RPS6KA2: variants seen among roughly 807,000 people sequenced by gnomAD.
The protein encoded by RPS6KA2 is ribosomal protein S6 kinase A2, also known as ribosomal protein S6 kinase alpha-2.
A neutral mutation model predicts 91.8 loss-of-function variants in RPS6KA2; 42 were observed. The ratio of observed to expected loss-of-function variants is 0.46; its 90% CI spans 0.36 to 0.59. The LOEUF (loss-of-function observed/expected upper bound fraction) is 0.59, where lower values mean the gene tolerates loss of function less well. RPS6KA2 is among the 20% of genes least tolerant of loss of function. The pLI is 0.00. For synonymous variants in RPS6KA2, 414 were observed against 393.6 expected (o/e 1.05, Z -0.61); for missense variants, 798 against 978.5 (o/e 0.82, Z 2.46).
intron 2 of RPS6KA2, among the ~76,000 whole-genome samples, chr6:166,758,295 C>T (rs1287626321): frequency 1.3e-5 from 2 of 152,260 alleles, no homozygotes; most frequent in East Asian, 1.9e-4. Flanking sequence ...CCCAGAGACA[C>T]AGGCACGTGC....
At chr6:166,686,739 G>A (rs1164837266) in intron 2 of RPS6KA2, among the ~76,000 whole-genome samples, 2 of 152,152 alleles carry the variant, frequency 1.3e-5, no homozygotes, top group Non-Finnish European at 2.9e-5. Context: ...GCTTTTAACT[G>A]TGCTATGTTT....
At chr6:166,522,586 T>C (rs575206087) in intron 3 of RPS6KA2, among the ~76,000 whole-genome samples, 1 of 152,352 alleles carries the variant, frequency 6.6e-6, no homozygotes, top group African/African-American at 2.4e-5. Flanking sequence ...CGGGCTGTGC[T>C]AGCTCGGTCT....
chr6:166,800,329 G>A (rs776089741), intron 2 of RPS6KA2, among the ~76,000 whole-genome samples: 7 of 152,184 alleles, frequency 4.6e-5, no homozygotes, highest in East Asian at 1.9e-4. Context: ...CCCAGCTCCC[G>A]GACAGTTCTG....
intron 1 of RPS6KA2, among the ~76,000 whole-genome samples, chr6:166,578,602 A>C (rs145520689): frequency 3.9e-5 from 6 of 152,370 alleles, no homozygotes; most frequent in Non-Finnish European, 8.8e-5. Context: ...CTCTTTCTTT[A>C]ACAAATGATG....
intron 2 of RPS6KA2, among the ~76,000 whole-genome samples, chr6:166,799,573 A>C (rs968679239): frequency 4.9e-5 from 7 of 143,750 alleles, no homozygotes; most frequent in African/African-American, 1.8e-4. Flanking sequence ...TTGCATGCTC[A>C]GAAGGAAAGC....
chr6:166,751,929 G>T (rs1296268470), intron 2 of RPS6KA2, among the ~76,000 whole-genome samples: 1 of 151,990 alleles, frequency 6.6e-6, no homozygotes, highest in African/African-American at 2.4e-5. Flanking sequence ...ACAGAGGCCA[G>T]ACTCCATGGA....
rs529485444 is a variant in RPS6KA2 at position 166,548,655 on chromosome 6, C to T, written c.100-9871G>A. 2.0e-5 allele frequency among the ~76,000 whole-genome samples: 3 copies of T among 152,288 alleles called. No individual in the cohort carries two copies. In the East Asian group the frequency reaches 5.8e-4, roughly 29 times the overall value. ...AGGCAAAGAAAAAAAGACATTTAAC[C>T]TAAATTCCATCTCTTATACAATAAT... On this transcript the variant is annotated intron_variant, in intron 1 of 20. Transcript: ENST00000265678.
chr6:166,819,232 T>G (rs1779843610), intron 2 of RPS6KA2, among the ~76,000 whole-genome samples: 1 of 152,192 alleles, frequency 6.6e-6, no homozygotes, highest in Non-Finnish European at 1.5e-5. Context: ...TGTGTTGGTT[T>G]TTTGTTTGTT....
chr6:166,557,398 G>A lies in RPS6KA2; in HGVS notation c.100-18614C>T, dbSNP rs1784209183. On this transcript the variant is annotated intron_variant, in intron 1 of 20. Transcript: ENST00000265678. The surrounding 1 kb of genome is among the most constrained non-coding windows in gnomAD (Gnocchi z 4.8). The stretch of plus-strand genomic sequence containing the variant: ...ATGGTCAGGTGGCCGGGGTCACTCT[G>A]AAAATGAACTGTTCTCCCACTGAGC... Among the ~76,000 whole-genome samples the A allele has an allele frequency of 6.6e-6, 1 of 152,236 alleles. No homozygotes were observed. Among genetic ancestry groups the A allele is most frequent in the Non-Finnish European group, 1.5e-5 (1 of 68,032 alleles).
chr6:166,840,131 C>T (rs1292063470), intron 2 of RPS6KA2, among the ~76,000 whole-genome samples: 1 of 152,106 alleles, frequency 6.6e-6, no homozygotes, highest in East Asian at 1.9e-4. Context: ...GACTCCTTTG[C>T]TCCTAAAACA....
intron 2 of RPS6KA2, among the ~76,000 whole-genome samples, chr6:166,656,534 G>A (rs1054379518): frequency 6.6e-6 from 1 of 152,220 alleles, no homozygotes; most frequent in Admixed American, 6.5e-5. Context: ...CCTCCAGCAG[G>A]GCCTCGGCAG....
chr6:166,531,188 C>T (rs1783262031), intron 3 of RPS6KA2, 44 bp downstream of exon 3: 2 of 1,245,368 alleles, frequency 1.6e-6, no homozygotes, highest in Non-Finnish European at 2.4e-6. Flanking sequence ...GTAGAAATTG[C>T]AGTTACCTGT....
chr6:166,753,654 C>A (rs1159375371), intron 2 of RPS6KA2, among the ~76,000 whole-genome samples: 1 of 152,150 alleles, frequency 6.6e-6, no homozygotes, highest in Non-Finnish European at 1.5e-5. Flanking sequence ...AAGTTTGTCA[C>A]CTCCCTACAA....
At chr6:166,828,704 G>T (rs1359317789) in intron 2 of RPS6KA2, among the ~76,000 whole-genome samples, 1 of 152,158 alleles carries the variant, frequency 6.6e-6, no homozygotes, top group Non-Finnish European at 1.5e-5. Flanking sequence ...CTAAATGTAA[G>T]ACCTACAACT....
intron 1 of RPS6KA2, among the ~76,000 whole-genome samples, chr6:166,562,914 G>T (rs1379041317): frequency 6.6e-6 from 1 of 152,196 alleles, no homozygotes; most frequent in African/African-American, 2.4e-5. Flanking sequence ...TGGGATGTGT[G>T]GGCAGGATGA....
intron 11 of RPS6KA2, among the ~76,000 whole-genome samples, chr6:166,460,315 T>C (rs1780232933): frequency 6.6e-6 from 1 of 152,230 alleles, no homozygotes; most frequent in Non-Finnish European, 1.5e-5. Flanking sequence ...TTTCCAAAGC[T>C]GAGATGTGTT....
At chr6:166,672,089 T>C (rs923164204) in intron 2 of RPS6KA2, among the ~76,000 whole-genome samples, 7 of 152,178 alleles carry the variant, frequency 4.6e-5, no homozygotes, top group African/African-American at 7.2e-5. Flanking sequence ...GATTAGAGGT[T>C]GTGTGTATAT....
chr6:166,480,166 C>T (rs973475648), intron 10 of RPS6KA2, among the ~76,000 whole-genome samples: 2 of 151,880 alleles, frequency 1.3e-5, no homozygotes, highest in Non-Finnish European at 2.9e-5. Context: ...AAAAACACAC[C>T]CCTTCACCCG....
chr6:166,823,417 C>T (rs1779952355), intron 2 of RPS6KA2, among the ~76,000 whole-genome samples: 1 of 143,696 alleles, frequency 7.0e-6, no homozygotes, highest in African/African-American at 2.6e-5. Context: ...AATTGTTATG[C>T]ACTGTATTGG....
Sources: allele counts gnomAD v4.1 joint callset (sites outside exome capture counted in the v4.1 genomes callset), GRCh38; gene constraint gnomAD v4.1.1; non-coding constraint Gnocchi (gnomAD v3.1); transcripts MANE v1.5; gene names NCBI Gene and HGNC (gene_info 2026-07-23, HGNC 2026-07-21).